The following RMP64 variants were observed in gnomAD, a reference collection of about 807,000 sequenced individuals.
RMP64 encodes the protein nucleolus and neural progenitor protein.
the RMP64 span, chr3:113,011,639 A>G: frequency 5.8e-6 from 2 of 342,670 alleles, no homozygotes; most frequent in Middle Eastern, 7.7e-4. Context: ...AAAGATATAT[A>G]TATATTCAAA....
the RMP64 span, chr3:113,019,294 T>C: frequency 1.8e-6 from 1 of 540,882 alleles, no homozygotes; most frequent in South Asian, 2.2e-5. Flanking sequence ...CGGCTGAGCC[T>C]TGGTCTTTCA....
chr3:113,006,206 G>A, the RMP64 span, among the ~76,000 whole-genome samples: 2 of 152,164 alleles, frequency 1.3e-5, no homozygotes, highest in East Asian at 1.9e-4. Flanking sequence ...AAGTGTAGAC[G>A]AATGTGTCCC....
At chr3:113,009,301 T>TTTCTTACA in the RMP64 span, among the ~76,000 whole-genome samples, 1 of 152,066 alleles carries the variant, frequency 6.6e-6, no homozygotes, top group Admixed American at 6.6e-5. Context: ...TTCTTCCAAA[T>TTTCTTACA]TTCTTACACT....
chr3:113,019,497 C>CTCCCCCGGAAACGT, the RMP64 span: 1 of 1,504,784 alleles, frequency 6.6e-7, no homozygotes, highest in Non-Finnish European at 9.2e-7. Context: ...GCCTGGCGGC[C>CTCCCCCGGAAACGT]TCCCCCGGAA....
the RMP64 span, chr3:113,008,740 T>C: frequency 4.3e-6 from 1 of 232,590 alleles, no homozygotes; most frequent in Non-Finnish European, 8.5e-6. Flanking sequence ...AACTGAATTT[T>C]TCTCCACTGC....
chr3:113,008,489 GACA>G, the RMP64 span: 14 of 1,405,474 alleles, frequency 1.0e-5, no homozygotes, highest in African/African-American at 1.3e-4. Flanking sequence ...GTAATTATAT[GACA>G]ACAAGGAAAG....
the RMP64 span, among the ~76,000 whole-genome samples, chr3:113,006,711 T>C: frequency 7.2e-4 from 109 of 152,324 alleles, 2 homozygotes; most frequent in Middle Eastern, 0.017. Flanking sequence ...AAGCCCATTA[T>C]AATAAAGTAA....
chr3:113,013,507 C>T, the RMP64 span: 1 of 1,077,410 alleles, frequency 9.3e-7, no homozygotes, highest in Non-Finnish European at 1.3e-6. Context: ...AAGGATATGA[C>T]AAAGGATTGA....
the RMP64 span, among the ~76,000 whole-genome samples, chr3:113,018,198 C>T: frequency 6.6e-6 from 1 of 152,136 alleles, no homozygotes; most frequent in African/African-American, 2.4e-5. Flanking sequence ...TGTAGAAGTC[C>T]CTAAGATGTA....
chr3:113,011,040 A>G, the RMP64 span: 50 of 1,573,960 alleles, frequency 3.2e-5, 1 homozygote, highest in South Asian at 4.2e-4. Context: ...ATCAAAGCAA[A>G]TTACCTTTGA....
At chr3:113,019,597 G>A in the RMP64 span, 3 of 1,613,774 alleles carry the variant, frequency 1.9e-6, no homozygotes, top group Non-Finnish European at 2.5e-6. Flanking sequence ...CCGCCTTAGG[G>A]ATTCTCACAC....
At chr3:113,014,288 G>A in the RMP64 span, 2 of 332,560 alleles carry the variant, frequency 6.0e-6, no homozygotes, top group Non-Finnish European at 1.1e-5. Flanking sequence ...GCCACAATGA[G>A]CTTGATGTCA....
the RMP64 span, chr3:113,006,113 C>T: frequency 2.6e-6 from 2 of 759,926 alleles, no homozygotes; most frequent in South Asian, 1.9e-5. Flanking sequence ...TCTACAAGTC[C>T]TATGCCTGTG....
chr3:113,016,669 T>C, the RMP64 span, among the ~76,000 whole-genome samples: 3 of 152,080 alleles, frequency 2.0e-5, no homozygotes, highest in Non-Finnish European at 2.9e-5. Context: ...GTACTAGGGG[T>C]AGAAAACTAA....
the RMP64 span, chr3:113,014,064 G>T: frequency 8.0e-6 from 11 of 1,369,088 alleles, no homozygotes; most frequent in Admixed American, 1.7e-4. Flanking sequence ...AAATTCATGT[G>T]TATGTAATGC....
chr3:113,006,098 A>G, the RMP64 span: 1 of 829,374 alleles, frequency 1.2e-6, no homozygotes, highest in Non-Finnish European at 1.9e-6. Flanking sequence ...AAAATACACA[A>G]CTTATCTACA....
the RMP64 span, chr3:113,010,360 A>G: frequency 2.9e-6 from 1 of 340,172 alleles, no homozygotes; most frequent in Non-Finnish European, 5.3e-6. Flanking sequence ...CTATACTCTT[A>G]AGCTGCAGTA....
At chr3:113,017,672 TAAAA>T in the RMP64 span, 1 of 1,339,610 alleles carries the variant, frequency 7.5e-7, no homozygotes. Context: ...AAAAACACAC[TAAAA>T]AAAGCATCTT....
chr3:113,012,734 C>A, the RMP64 span: 2 of 1,564,394 alleles, frequency 1.3e-6, no homozygotes, highest in Non-Finnish European at 1.8e-6. Flanking sequence ...ATGTACATAC[C>A]ATAACCTGCT....
Sources: gnomAD v4.1 joint callset for allele counts (sites outside exome capture counted in the v4.1 genomes callset) on GRCh38, gnomAD v4.1.1 for gene constraint, MANE v1.5 for transcripts, NCBI Gene and HGNC (gene_info 2026-07-23, HGNC 2026-07-21) for gene names.